The following CFHR2 variants were observed in gnomAD, a reference collection of about 807,000 sequenced individuals.
CFHR2 encodes complement factor H related 2.
CFHR2 carries 22 observed loss-of-function variants against 21.7 expected under a neutral mutation model. The ratio of observed to expected loss-of-function variants is 1.01; its 90% CI spans 0.72 to 1.45. CFHR2 has a LOEUF of 1.45. Ranked by LOEUF, CFHR2 falls within the 40% of genes most tolerant of loss-of-function variation. The pLI is 0.00. For missense variants in CFHR2, 294 were observed against 293.3 expected, an observed-to-expected ratio of 1.00 and a Z score of -0.02; for synonymous variants, 98 against 97.4, an observed-to-expected ratio of 1.01 and a Z score of -0.04.
intron 1 of CFHR2, among the ~76,000 whole-genome samples, chr1:196,944,671 G>C (rs1277421848): frequency 2.6e-5 from 4 of 151,854 alleles, no homozygotes; most frequent in African/African-American, 7.3e-5. Context: ...TCTGTACTTG[G>C]AGTTTCGATC....
intron 3 of CFHR2, 46 bp downstream of exon 3, chr1:196,951,074 TA>T: frequency 6.3e-7 from 1 of 1,598,364 alleles, no homozygotes; most frequent in Non-Finnish European, 8.6e-7. Flanking sequence ...TTATAAAGTG[TA>T]AAAGAAATAA....
intron 1 of CFHR2, among the ~76,000 whole-genome samples, chr1:196,947,511 C>G (rs941779448): frequency 6.6e-6 from 1 of 152,080 alleles, no homozygotes; most frequent in Non-Finnish European, 1.5e-5. Flanking sequence ...AATACCTTTA[C>G]CAAAACTATC....
chr1:196,958,470 T>C (rs1223443934), intron 4 of CFHR2, among the ~76,000 whole-genome samples: 1 of 151,868 alleles, frequency 6.6e-6, no homozygotes, highest in Non-Finnish European at 1.5e-5. Flanking sequence ...TCTTTTCAAA[T>C]TTCAAGTAAA....
rs1169878973 is a variant in CFHR2 at position 196,951,038 on chromosome 1, ATGT to A, written c.430+15_430+17del. On this transcript the variant is annotated intron_variant, in intron 3 of 4. Coordinates refer to ENST00000367415, the MANE Select transcript of CFHR2 (RefSeq NM_005666.4). ...AAATGCAGGTCCACTAGTAAGTGCA[ATGT>A]TGTTCTCTCAGATGCTGTTATATTA... 1.2e-6 allele frequency: 2 copies of A among 1,613,848 alleles called. No individual in the cohort carries two copies. The highest frequency in any genetic ancestry group is 1.7e-5 in the Admixed American group (1 of 59,964).
intron 3 of CFHR2, among the ~76,000 whole-genome samples, chr1:196,957,142 A>C (rs1452112118): frequency 1.3e-5 from 2 of 152,106 alleles, no homozygotes; most frequent in Non-Finnish European, 2.9e-5. Flanking sequence ...TGGGTATAGA[A>C]AGTAGGCTCT....
chr1:196,950,717 C>T, intron 2 of CFHR2, 135 bp from the exon 3 acceptor site: 1 of 948,364 alleles, frequency 1.1e-6, no homozygotes, highest in Non-Finnish European at 1.6e-6. Context: ...AAATGATCCA[C>T]TCACCTCAGC....
intron 3 of CFHR2, among the ~76,000 whole-genome samples, chr1:196,957,382 T>C (rs1652930595): frequency 6.6e-6 from 1 of 151,038 alleles, no homozygotes; most frequent in Non-Finnish European, 1.5e-5. Flanking sequence ...AAAATTTGAG[T>C]TGTACTTAGC....
chr1:196,950,940 C>A lies in CFHR2; in HGVS notation c.342C>A (p.Cys114Ter). 2 of 1,614,022 alleles carry A rather than the reference C, an allele frequency of 1.2e-6. No homozygotes were observed. The highest frequency in any genetic ancestry group is 1.7e-6 in the Non-Finnish European group (2 of 1,179,990). Residue 114 changes from cysteine to a stop codon, truncating the protein, a stop_gained, in exon 3 of 5, where the codon TGC becomes TGA. Transcript: ENST00000367415. LOFTEE classifies it high-confidence loss of function. ...HLEGDTVQIICNTGYRLQNNE... is the reference protein window; with the variant it reads ...HLEGDTVQII ...AAGGTGATACTGTACAAATTATTTG[C>A]AACACAGGATACAGACTTCAAAACA...
rs2026547 is a variant in CFHR2 at position 196,958,661 on chromosome 1, G to A, written c.614-220G>A. The stretch of plus-strand genomic sequence containing the variant: ...ACAATTGATGTTATGAATCTTCAGT[G>A]ATAACATCTAATTATCATCCATTAA... On this transcript the variant is annotated intron_variant, in intron 4 of 4. Coordinates refer to ENST00000367415, the MANE Select transcript of CFHR2 (RefSeq NM_005666.4). 0.65 allele frequency among the ~76,000 whole-genome samples: 98,199 copies of A among 151,668 alleles called. 33,177 individuals carry two copies. The highest frequency in any genetic ancestry group is 0.89 in the East Asian group (4,603 of 5,168).
At chr1:196,952,055 T>C (rs1659748222) in intron 3 of CFHR2, among the ~76,000 whole-genome samples, 1 of 152,198 alleles carries the variant, frequency 6.6e-6, no homozygotes, top group African/African-American at 2.4e-5. Flanking sequence ...ATAGAATCCG[T>C]GGTATGCCTT....
chr1:196,952,773 G>A (rs1460233444), intron 3 of CFHR2, among the ~76,000 whole-genome samples: 2 of 152,176 alleles, frequency 1.3e-5, no homozygotes, highest in Non-Finnish European at 2.9e-5. Context: ...CATTCAGTGG[G>A]TAATGACATT....
rs1179802592 is a variant in CFHR2 at position 196,959,259 on chromosome 1, T to C, written c.*179T>C. 7.4e-6 allele frequency: 4 copies of C among 540,076 alleles called. No homozygotes were observed. The highest frequency in any genetic ancestry group is 1.9e-5 in the African/African-American group (1 of 52,070). 33.5% of individuals were successfully genotyped at this position (540,076 alleles called of 1,614,324 possible). On this transcript the variant is annotated 3_prime_UTR_variant, in exon 5 of 5. Transcript: ENST00000367415. ...TGTGTCACAATGGTGAGGACTATCT[T>C]CACCAAATCTAAGTAACAACCTAGG...
At position 196,957,921 on chromosome 1, in the gene CFHR2, C is replaced by G. The variant is rs751805466; in HGVS notation, c.461C>G (p.Pro154Arg). Residue 154 changes from proline (P) to arginine (R), a missense_variant, in exon 4 of 5, where the codon CCT becomes CGT. Physicochemically the swap from Pro to Arg is moderately radical, Grantham distance 103. Coordinates refer to ENST00000367415, the MANE Select transcript of CFHR2 (RefSeq NM_005666.4). Reference sequence around the variant, plus strand: ...GCAGAAAAATGTGGGCCCCCTCCACCTATTGACAATGGAGACATTACTTCA... The same window carrying G: ...GCAGAAAAATGTGGGCCCCCTCCACGTATTGACAATGGAGACATTACTTCA... ...ISAEKCGPPP[P>R]IDNGDITSFL... 1.1e-5 allele frequency: 18 copies of G among 1,612,708 alleles called. No homozygotes were observed. The highest frequency in any genetic ancestry group is 1.5e-5 in the Non-Finnish European group (18 of 1,179,214).
At position 196,951,000 on chromosome 1, in the gene CFHR2, G is replaced by A; in HGVS notation, c.402G>A (p.Trp134Ter). Residue 134 changes from tryptophan to a stop codon, truncating the protein, a stop_gained, in exon 3 of 5, where the codon TGG (tryptophan) becomes TGA (stop). Transcript: ENST00000367415. LOFTEE classifies it high-confidence loss of function. Reference protein sequence around the residue: ...ENNISCVERGWSTPPKCRSTI... With the variant: ...ENNISCVERG Reference sequence around the variant, plus strand: ...ACATTTCATGTGTAGAACGGGGCTGGTCCACTCCTCCCAAATGCAGGTCCA... The same window carrying A: ...ACATTTCATGTGTAGAACGGGGCTGATCCACTCCTCCCAAATGCAGGTCCA... The A allele has an allele frequency of 6.2e-7, 1 of 1,613,600 alleles. No homozygotes were observed. The highest frequency in any genetic ancestry group is 8.5e-7 in the Non-Finnish European group (1 of 1,179,864).
At chr1:196,948,838 C>A (rs1346967173) in intron 1 of CFHR2, among the ~76,000 whole-genome samples, 1 of 151,932 alleles carries the variant, frequency 6.6e-6, no homozygotes, top group African/African-American at 2.4e-5. Flanking sequence ...GTATATACAA[C>A]ATTAACCAGA....
chr1:196,944,911 T>C (rs529069837), intron 1 of CFHR2, among the ~76,000 whole-genome samples: 6 of 149,552 alleles, frequency 4.0e-5, no homozygotes, highest in Non-Finnish European at 1.5e-5. Flanking sequence ...ACTTTCACTC[T>C]TGTTTCCCAG....
chr1:196,946,895 T>C (rs1659517169), intron 1 of CFHR2, among the ~76,000 whole-genome samples: 1 of 152,266 alleles, frequency 6.6e-6, no homozygotes, highest in South Asian at 2.1e-4. Context: ...TATTATGTAC[T>C]GTACAAAATT....
At chr1:196,952,657 T>A (rs532350086) in intron 3 of CFHR2, among the ~76,000 whole-genome samples, 1 of 152,316 alleles carries the variant, frequency 6.6e-6, no homozygotes, top group South Asian at 2.1e-4. Context: ...TTTGTTAGGC[T>A]TTGATTAAGT....
chr1:196,953,706 A>G (rs961796176), intron 3 of CFHR2, among the ~76,000 whole-genome samples: 9 of 152,238 alleles, frequency 5.9e-5, no homozygotes, highest in African/African-American at 1.2e-4. Flanking sequence ...CAAGTTTTAT[A>G]TAAGTGAAAT....
Sources: allele counts gnomAD v4.1 joint callset (sites outside exome capture counted in the v4.1 genomes callset), GRCh38; gene constraint gnomAD v4.1.1; transcripts MANE v1.5; gene names NCBI Gene and HGNC (gene_info 2026-07-23, HGNC 2026-07-21).